NKIRAS1: variants seen among roughly 807,000 people sequenced by gnomAD.
NKIRAS1 encodes NF-kappa-B inhibitor-interacting Ras-like protein 1.
NKIRAS1 carries 16 observed loss-of-function variants against 19.8 expected under a neutral mutation model. That is an observed-to-expected ratio of 0.81 (90% CI 0.55 to 1.23). The LOEUF (loss-of-function observed/expected upper bound fraction) is 1.23, where lower values mean the gene tolerates loss of function less well. NKIRAS1 is among the 50% of genes most tolerant of loss of function. The probability of loss-of-function intolerance (pLI) is 0.00; values close to 1 mark genes in which losing one functional copy is unlikely to be tolerated. For missense variants in NKIRAS1, 184 were observed against 220.0 expected (o/e 0.84, Z 1.04); for synonymous variants, 88 against 79.0 (o/e 1.11, Z -0.61).
intron 1 of NKIRAS1, among the ~76,000 whole-genome samples, chr3:23,928,289 C>A (rs1559515244): frequency 8.7e-6 from 1 of 114,512 alleles, no homozygotes; most frequent in East Asian, 2.2e-4. Flanking sequence ...GACTCTGTCT[C>A]AAAAATAAAT....
rs553844254 is a variant in NKIRAS1 at position 23,900,492 on chromosome 3, G to A, written c.336+316C>T. ...TCCACTAAAAATATAAAAATTAGCC[G>A]GGCATAGTGGCACACTCCTGTATTC... is the stretch of plus-strand genomic sequence containing the variant. On this transcript the variant is annotated intron_variant, in intron 4 of 4. Transcript: ENST00000425478. Among the ~76,000 whole-genome samples the A allele has an allele frequency of 3.7e-4, 56 of 151,808 alleles. No homozygotes were observed. The South Asian group carries it at 7.3e-3, about 20-fold the overall frequency.
At chr3:23,893,850 TAAA>T (rs11381471) in intron 4 of NKIRAS1, among the ~76,000 whole-genome samples, 4 of 134,690 alleles carry the variant, frequency 3.0e-5, no homozygotes, top group Admixed American at 2.3e-4. Context: ...TTGCTAACTG[TAAA>T]AAAAAAAAAA....
chr3:23,919,911 T>A, upstream of NKIRAS1: 1 of 991,516 alleles, frequency 1.0e-6, no homozygotes, highest in Non-Finnish European at 1.2e-6. Flanking sequence ...GTTTGGCAGG[T>A]GTAGACTTTT....
At chr3:23,894,825 C>T (rs1010653516) in intron 4 of NKIRAS1, among the ~76,000 whole-genome samples, 2 of 152,098 alleles carry the variant, frequency 1.3e-5, no homozygotes, top group African/African-American at 4.8e-5. Context: ...TCTGTTGTAC[C>T]TACTAATCCC....
Position 23,902,213 on chromosome 3 carries a change from C to T in NKIRAS1, c.95-1164G>A, listed in dbSNP as rs79903184. On this transcript the variant is annotated intron_variant, in intron 3 of 4. Coordinates refer to ENST00000425478, the MANE Select transcript of NKIRAS1 (RefSeq NM_020345.4). ...AACTAGTTACAGTTTTCCTAAACAACCTAAATACTGTAGAATGATTTGTTC... is the reference window on the plus strand; with the variant it reads ...AACTAGTTACAGTTTTCCTAAACAATCTAAATACTGTAGAATGATTTGTTC... Among the ~76,000 whole-genome samples, 398 of 152,052 alleles carry T rather than the reference C, an allele frequency of 2.6e-3. 5 individuals carry two copies. In the Middle Eastern group the frequency reaches 0.037, roughly 14 times the overall value.
rs1377406330 is a variant in NKIRAS1, at chr3:23,926,426, CTCCTCTTGCTCCTCG to C, written c.-139-14991_-139-14977del. On this transcript the variant is annotated intron_variant, in intron 1 of 4. Coordinates refer to the NKIRAS1 transcript ENST00000421515. This position sits in a 1 kb window ranked among gnomAD's most constrained non-coding sequence, Gnocchi z 4.3. ...TTCTTCCTCCTCCTCCTTCCTCCTC[CTCCTCTTGCTCCTCG>C]TCCTCCTCTTCTCTCTTTTTTCTCT... 6.6e-6 allele frequency among the ~76,000 whole-genome samples: 1 copy of C among 152,084 alleles called. No homozygotes were observed. Among genetic ancestry groups the C allele is most frequent in the Admixed American group, 6.6e-5 (1 of 15,246 alleles).
intron 3 of NKIRAS1, among the ~76,000 whole-genome samples, chr3:23,902,607 C>T (rs1454222187): frequency 6.6e-6 from 1 of 152,150 alleles, no homozygotes; most frequent in Non-Finnish European, 1.5e-5. Context: ...GTTAGCCCAC[C>T]TCCACCTGCC....
Position 23,943,360 on chromosome 3 carries a change from G to C in NKIRAS1, c.-140+2963C>G, listed in dbSNP as rs1485226438. ...CGATTCTCCTGCCTCAGCCTCCCGA[G>C]TAGCTGGGATTACAGGCATGCGCCA... On this transcript the variant is annotated intron_variant, in intron 1 of 4. Transcript: ENST00000421515. 2.6e-5 allele frequency among the ~76,000 whole-genome samples: 4 copies of C among 152,210 alleles called. No homozygotes were observed. The East Asian group carries it at 7.7e-4, about 29-fold the overall frequency.
intron 1 of NKIRAS1, among the ~76,000 whole-genome samples, chr3:23,937,224 C>A (rs1473984149): frequency 3.3e-5 from 5 of 151,940 alleles, no homozygotes; most frequent in Non-Finnish European, 7.4e-5. Flanking sequence ...ACAAAAAATA[C>A]AAAAATTTGC....
upstream of NKIRAS1, chr3:23,919,450 C>T: frequency 6.2e-7 from 1 of 1,604,102 alleles, no homozygotes; most frequent in Admixed American, 1.7e-5. Context: ...GTGGCTCTCG[C>T]CGGGCAGCTT....
chr3:23,921,570 G>GTTTTTTT, upstream of NKIRAS1: 68 of 508,198 alleles, frequency 1.3e-4, no homozygotes, highest in Middle Eastern at 5.7e-4. Context: ...TGATTATTGA[G>GTTTTTTT]TTTTTTTTTT....
chr3:23,926,890 G>C lies in NKIRAS1; in HGVS notation c.-139-15440C>G, dbSNP rs1416805156. 6.6e-6 allele frequency among the ~76,000 whole-genome samples: 1 copy of C among 152,182 alleles called. No individual in the cohort carries two copies. The highest frequency in any genetic ancestry group is 1.5e-5 in the Non-Finnish European group (1 of 68,038). On this transcript the variant is annotated intron_variant, in intron 1 of 4. Transcript: ENST00000421515. This position sits in a 1 kb window ranked among gnomAD's most constrained non-coding sequence, Gnocchi z 4.3. ...AGAGAAGAAACAATTCTTTGGATTT[G>C]TCCTAGAAGGATCAAGCTGGCCTGA...
upstream of NKIRAS1, chr3:23,921,518 C>T (rs1255610076): frequency 3.0e-6 from 2 of 672,322 alleles, no homozygotes; most frequent in Non-Finnish European, 5.3e-6. Context: ...TTCCCATTTG[C>T]TTTACTATTT....
chr3:23,909,390 G>T (rs1208494420), intron 3 of NKIRAS1, among the ~76,000 whole-genome samples: 4 of 152,092 alleles, frequency 2.6e-5, no homozygotes, highest in Admixed American at 2.6e-4. Context: ...AGCCAGACGT[G>T]GTAGCACGCA....
chr3:23,911,841 C>T (rs1447224949), intron 1 of NKIRAS1, among the ~76,000 whole-genome samples: 1 of 148,312 alleles, frequency 6.7e-6, no homozygotes, highest in East Asian at 2.0e-4. Context: ...CGGTTCACTG[C>T]AACCTCCGCT....
rs1705227574 is a variant in NKIRAS1, at chr3:23,927,280, G to A, written c.-139-15830C>T. On this transcript the variant is annotated intron_variant, in intron 1 of 4. Coordinates refer to the NKIRAS1 transcript ENST00000421515. The surrounding 1 kb of genome is among the most constrained non-coding windows in gnomAD (Gnocchi z 4.0). ...CACGTCTGTAATCCCAGCACTTTGGGAGGCCAAGGTGGGAGGATCCCTTGA... is the reference window on the plus strand; with the variant it reads ...CACGTCTGTAATCCCAGCACTTTGGAAGGCCAAGGTGGGAGGATCCCTTGA... Among the ~76,000 whole-genome samples the A allele has an allele frequency of 6.6e-6, 1 of 152,164 alleles. No homozygotes were observed. The highest frequency in any genetic ancestry group is 2.4e-5 in the African/African-American group (1 of 41,440).
intron 1 of NKIRAS1, among the ~76,000 whole-genome samples, chr3:23,930,868 GTTTTTTT>G: frequency 8.1e-6 from 1 of 123,896 alleles, no homozygotes; most frequent in Admixed American, 8.3e-5. Context: ...ATGTCCGGCT[GTTTTTTT>G]TTTTTTTTTT....
chr3:23,891,340 T>C lies in NKIRAS1; in HGVS notation c.*1755A>G, dbSNP rs1701447761. On this transcript the variant is annotated 3_prime_UTR_variant, in exon 5 of 5. Transcript: ENST00000425478. ...CACTGCTGTGTTCATTTACTTTTCT[T>C]TTGCCTTTTGGTTGCCATTCGCAGA... The C allele has an allele frequency of 6.6e-6, 1 of 152,198 alleles. No individual in the cohort carries two copies. Among genetic ancestry groups the C allele is most frequent in the Admixed American group, 6.5e-5 (1 of 15,278 alleles). The allele number at this position is 152,198 out of a possible 1,614,324, so 9.4% of individuals were successfully genotyped here. A position where few individuals can be genotyped will look rare whatever the true frequency, so the allele number is the denominator to read the frequency against.
upstream of NKIRAS1, chr3:23,918,964 A>AG: frequency 1.8e-6 from 1 of 563,980 alleles, no homozygotes; most frequent in Non-Finnish European, 3.1e-6. Flanking sequence ...TGCCCTAGTC[A>AG]GGAATGGAGT....
Sources: gnomAD v4.1 joint callset for allele counts (sites outside exome capture counted in the v4.1 genomes callset) on GRCh38, gnomAD v4.1.1 for gene constraint, Gnocchi (gnomAD v3.1) non-coding constraint, MANE v1.5 for transcripts, NCBI Gene and HGNC (gene_info 2026-07-23, HGNC 2026-07-21) for gene names.